The following TTLL1 variants were observed in gnomAD, a reference collection of about 807,000 sequenced individuals.
TTLL1 encodes TTL family tubulin polyglutamylase complex subunit L1.
TTLL1 carries 33 observed loss-of-function variants against 47.8 expected under a neutral mutation model. That is an observed-to-expected ratio of 0.69 (90% CI 0.52 to 0.92). The LOEUF (loss-of-function observed/expected upper bound fraction) is 0.92. TTLL1 is among the 40% of genes least tolerant of loss of function. TTLL1 has a pLI of 0.00. For synonymous variants in TTLL1, 225 were observed against 214.1 expected (o/e 1.05, Z -0.45); for missense variants, 488 against 547.5 (o/e 0.89, Z 1.08).
intron 3 of TTLL1, among the ~76,000 whole-genome samples, chr22:43,072,154 CT>C (rs60673775): frequency 0.036 from 4,949 of 138,810 alleles, 251 homozygotes; most frequent in African/African-American, 0.12. Context: ...TTTTCTTTTT[CT>C]TTTTTTTTTT....
intron 2 of TTLL1, among the ~76,000 whole-genome samples, chr22:43,078,719 G>C (rs1395326223): frequency 6.6e-6 from 1 of 152,024 alleles, no homozygotes; most frequent in Non-Finnish European, 1.5e-5. Context: ...CTCTCTGCAA[G>C]CTACAAGGTG....
Position 43,046,387 on chromosome 22 carries a change from C to T in TTLL1, c.1142+23G>A, listed in dbSNP as rs199511297. On this transcript the variant is annotated intron_variant, in intron 10 of 10. Transcript: ENST00000266254. ...CCATTCGGAAACACAGAAGGACAAG[C>T]GCACAGTCACACACACACTTACAGA... 160 of 1,611,778 alleles carry T rather than the reference C, an allele frequency of 9.9e-5. 1 individual carries two copies. The East Asian group carries it at 1.4e-3, about 14-fold the overall frequency.
intron 3 of TTLL1, among the ~76,000 whole-genome samples, chr22:43,072,216 T>C (rs796943835): frequency 6.7e-6 from 1 of 148,736 alleles, no homozygotes; most frequent in African/African-American, 2.5e-5. Flanking sequence ...TGTAGTGGCG[T>C]GACCTCGGCT....
At chr22:43,081,260 C>T (rs918197718) in intron 1 of TTLL1, among the ~76,000 whole-genome samples, 3 of 152,002 alleles carry the variant, frequency 2.0e-5, no homozygotes, top group Middle Eastern at 3.2e-3. Context: ...CGCATCAAAG[C>T]CCCCCATCCA....
At chr22:43,068,974 C>T (rs1191711718) in intron 4 of TTLL1, among the ~76,000 whole-genome samples, 3 of 152,048 alleles carry the variant, frequency 2.0e-5, no homozygotes, top group Non-Finnish European at 4.4e-5. Flanking sequence ...GACAGGGACA[C>T]ACTGTCTTCC....
At chr22:43,067,189 G>A (rs1927793566) in intron 5 of TTLL1, among the ~76,000 whole-genome samples, 1 of 152,140 alleles carries the variant, frequency 6.6e-6, no homozygotes, top group Non-Finnish European at 1.5e-5. Context: ...GGCTTGCCAC[G>A]AGGCCACTGC....
intron 5 of TTLL1, among the ~76,000 whole-genome samples, chr22:43,065,406 C>CA (rs1164002281): frequency 6.6e-6 from 1 of 151,540 alleles, no homozygotes; most frequent in Non-Finnish European, 1.5e-5. Flanking sequence ...TCTCCTGCCT[C>CA]AGCCTCCTGA....
At chr22:43,047,363 T>C (rs1048641288) in intron 9 of TTLL1, among the ~76,000 whole-genome samples, 1 of 152,186 alleles carries the variant, frequency 6.6e-6, no homozygotes. Flanking sequence ...CATGGAAAGG[T>C]GGTCCCATAA....
intron 7 of TTLL1, among the ~76,000 whole-genome samples, chr22:43,063,337 G>T (rs560275097): frequency 6.6e-6 from 1 of 152,066 alleles, no homozygotes; most frequent in Non-Finnish European, 1.5e-5. Context: ...AGGCCAGCCC[G>T]CCTGATGCCT....
intron 3 of TTLL1, among the ~76,000 whole-genome samples, chr22:43,071,347 A>T (rs1601691475): frequency 6.6e-6 from 1 of 152,220 alleles, no homozygotes; most frequent in Admixed American, 6.6e-5. Context: ...TTCAAAATAA[A>T]GAGCTGGCCG....
At chr22:43,052,115 C>T (rs974807764) in intron 8 of TTLL1, 13 of 534,160 alleles carry the variant, frequency 2.4e-5, no homozygotes, top group East Asian at 6.7e-5. Context: ...CCGTAATGGG[C>T]ATCTCTGCGT....
At chr22:43,059,247 G>A in intron 8 of TTLL1, 137 bp downstream of exon 8, 1 of 1,244,694 alleles carries the variant, frequency 8.0e-7, no homozygotes, top group Non-Finnish European at 1.1e-6. Context: ...GCCCGCCTCG[G>A]CCTCCCAGCT....
chr22:43,056,345 G>A (rs1386699594), intron 8 of TTLL1, among the ~76,000 whole-genome samples: 2 of 138,186 alleles, frequency 1.4e-5, no homozygotes, highest in African/African-American at 5.4e-5. Flanking sequence ...GCGACACAGC[G>A]AGACTCTGTC....
chr22:43,054,335 C>T (rs1020486115), intron 8 of TTLL1, among the ~76,000 whole-genome samples: 1 of 152,190 alleles, frequency 6.6e-6, no homozygotes, highest in South Asian at 2.1e-4. Flanking sequence ...ACAAAACGAA[C>T]CCACACACTG....
chr22:43,046,579 A>G lies in TTLL1; in HGVS notation c.979-6T>C. 1 of 1,613,186 alleles carries G rather than the reference A, an allele frequency of 6.2e-7. No individual in the cohort carries two copies. The highest frequency in any genetic ancestry group is 8.5e-7 in the Non-Finnish European group (1 of 1,179,182). Reference sequence around the variant, plus strand: ...AGAGACGGGGACGCATTCACCTGTGAGATGAAAGACCCATGTTCCTCACCT... The same window carrying G: ...AGAGACGGGGACGCATTCACCTGTGGGATGAAAGACCCATGTTCCTCACCT... On this transcript the variant is annotated splice_region_variant and splice_polypyrimidine_tract_variant and intron_variant, in intron 9 of 10. Transcript: ENST00000266254.
chr22:43,059,690 T>A (rs535035895), intron 7 of TTLL1, among the ~76,000 whole-genome samples, 163 bp from the exon 8 acceptor site: 1 of 152,054 alleles, frequency 6.6e-6, no homozygotes, highest in African/African-American at 2.4e-5. Context: ...CTGGGCCGGC[T>A]ATTTTCCGTT....
chr22:43,079,377 T>TG (rs1569447678), intron 2 of TTLL1, among the ~76,000 whole-genome samples: 1 of 117,428 alleles, frequency 8.5e-6, no homozygotes, highest in Non-Finnish European at 1.8e-5. Context: ...CCCGAAGACA[T>TG]GGGGACCACG....
intron 1 of TTLL1, among the ~76,000 whole-genome samples, chr22:43,081,346 G>A (rs1051710722): frequency 1.3e-5 from 2 of 152,110 alleles, no homozygotes. Context: ...GTGCATGACG[G>A]AGGGAGTGGG....
intron 1 of TTLL1, among the ~76,000 whole-genome samples, chr22:43,084,962 CTTTTTTTTTTT>C (rs148980685): frequency 1.6e-4 from 18 of 112,718 alleles, no homozygotes; most frequent in East Asian, 3.4e-4. Context: ...AAGCTGCCAC[CTTTTTTTTTTT>C]TTTTTTTTTT....
Sources: allele counts gnomAD v4.1 joint callset (sites outside exome capture counted in the v4.1 genomes callset), GRCh38; gene constraint gnomAD v4.1.1; transcripts MANE v1.5; gene names NCBI Gene and HGNC (gene_info 2026-07-23, HGNC 2026-07-21).